The following PEMT variants were observed in gnomAD, a reference collection of about 807,000 sequenced individuals.
The protein encoded by PEMT is phospholipid methyltransferase.
PEMT carries 23 observed loss-of-function variants against 27.4 expected under a neutral mutation model. The observed-to-expected ratio is 0.84, with a 90% confidence interval of 0.60 to 1.19. The LOEUF is 1.19. PEMT is among the 50% of genes most tolerant of loss of function. The pLI is 0.00. For synonymous variants in PEMT, 137 were observed against 139.1 expected, an observed-to-expected ratio of 0.98 and a Z score of 0.11; for missense variants, 307 against 310.1, an observed-to-expected ratio of 0.99 and a Z score of 0.07.
At chr17:17,518,059 G>A in intron 3 of PEMT, 1 of 985,572 alleles carries the variant, frequency 1.0e-6, no homozygotes, top group Non-Finnish European at 1.2e-6. Flanking sequence ...CGCCACACCA[G>A]AGCACACAGG....
intron 2 of PEMT, among the ~76,000 whole-genome samples, chr17:17,560,563 C>T (rs983188537): frequency 2.0e-5 from 3 of 152,300 alleles, no homozygotes; most frequent in East Asian, 1.9e-4. Context: ...TTCACCACAC[C>T]GGCCCCGGGG....
chr17:17,522,688 C>T (rs974811761), intron 2 of PEMT, among the ~76,000 whole-genome samples: 3 of 152,094 alleles, frequency 2.0e-5, no homozygotes, highest in African/African-American at 4.8e-5. Flanking sequence ...CAGAAAGAGA[C>T]GTCTGGTGGA....
In PEMT at chr17:17,523,776, G is replaced by A. The variant is rs561089813; in HGVS notation, c.205-1381C>T. Among the ~76,000 whole-genome samples, 6 of 152,162 alleles carry A rather than the reference G, an allele frequency of 3.9e-5. No individual in the cohort carries two copies. The highest frequency in any genetic ancestry group is 7.4e-5 in the Non-Finnish European group (5 of 68,026). On this transcript the variant is annotated intron_variant, in intron 2 of 6. Transcript: ENST00000255389. This position sits in a 1 kb window ranked among gnomAD's most constrained non-coding sequence, Gnocchi z 4.8. ...AGAGGAGCAGTCTGCAGAGAGCACC[G>A]CGGGGGCCCAGGACCACAGCCTGCT...
intron 2 of PEMT, among the ~76,000 whole-genome samples, chr17:17,534,170 T>C (rs1440981290): frequency 6.6e-6 from 1 of 152,200 alleles, no homozygotes. Flanking sequence ...TTACTTGTAA[T>C]AGTCAAAACC....
At position 17,582,105 on chromosome 17, in the gene PEMT, C is replaced by T. The variant is rs144459591; in HGVS notation, c.97-5078G>A. On this transcript the variant is annotated intron_variant, in intron 1 of 6. Transcript: ENST00000255389. The surrounding 1 kb of genome is among the most constrained non-coding windows in gnomAD (Gnocchi z 4.9). ...CTCCCTTGATGGCCTCCCCTTCACA[C>T]CTGTGACCAAAGGGCGGTCTCCCAT... is the stretch of plus-strand genomic sequence containing the variant. 1.8e-3 allele frequency among the ~76,000 whole-genome samples: 272 copies of T among 152,302 alleles called. 1 individual carries two copies. Among genetic ancestry groups the T allele is most frequent in the African/African-American group, 6.2e-3 (256 of 41,560 alleles).
At chr17:17,550,216 C>T (rs375860785) in intron 2 of PEMT, among the ~76,000 whole-genome samples, 87 of 152,330 alleles carry the variant, frequency 5.7e-4, no homozygotes, top group East Asian at 1.7e-3. Flanking sequence ...CACAGACGTT[C>T]GTGGTTCTCT....
At chr17:17,547,426 C>T (rs16961862) in intron 2 of PEMT, among the ~76,000 whole-genome samples, 1,835 of 152,326 alleles carry the variant, frequency 0.012, 38 homozygotes, top group African/African-American at 0.039. Context: ...GAGATGCGCT[C>T]GCCAAAGAAC....
chr17:17,582,225 G>A lies in PEMT; in HGVS notation c.97-5198C>T, dbSNP rs1912015576. The A allele has an allele frequency of 4.1e-6, 4 of 973,298 alleles. No homozygotes were observed. The South Asian group carries it at 1.4e-4, about 35-fold the overall frequency. The allele number at this position is 973,298 out of a possible 1,614,324, so 60.3% of individuals were successfully genotyped here. A position where few individuals can be genotyped will look rare whatever the true frequency, so the allele number is the denominator to read the frequency against. On this transcript the variant is annotated intron_variant, in intron 1 of 6. Transcript: ENST00000255389. This position sits in a 1 kb window ranked among gnomAD's most constrained non-coding sequence, Gnocchi z 4.9. Reference sequence around the variant, plus strand: ...AACCCCCACTCCAAGGCTCCAGGTTGCAGAGGCCTCGGAATCTGACTAAAG... The same window carrying A: ...AACCCCCACTCCAAGGCTCCAGGTTACAGAGGCCTCGGAATCTGACTAAAG...
At chr17:17,558,682 G>GAAAAA (rs141641212) in intron 2 of PEMT, among the ~76,000 whole-genome samples, 1 of 95,538 alleles carries the variant, frequency 1.0e-5, no homozygotes, top group African/African-American at 3.7e-5. Flanking sequence ...CCAGTCTCAC[G>GAAAAA]AAAAAAAAAA....
intron 2 of PEMT, among the ~76,000 whole-genome samples, chr17:17,540,330 G>T (rs569498991): frequency 6.6e-6 from 1 of 152,344 alleles, no homozygotes; most frequent in African/African-American, 2.4e-5. Context: ...CTATCCCAGT[G>T]CCTCCTCTGC....
At chr17:17,542,983 C>T (rs868461270) in intron 2 of PEMT, among the ~76,000 whole-genome samples, 19 of 152,250 alleles carry the variant, frequency 1.2e-4, no homozygotes, top group African/African-American at 4.6e-4. Flanking sequence ...TCTCCAGCTG[C>T]CTTCCCCCAG....
intron 5 of PEMT, chr17:17,507,000 G>T: frequency 1.5e-6 from 1 of 673,328 alleles, no homozygotes; most frequent in Non-Finnish European, 2.6e-6. Flanking sequence ...GCCCAAGGCC[G>T]GATGGAGCAT....
intron 2 of PEMT, among the ~76,000 whole-genome samples, chr17:17,554,885 G>T (rs1909938546): frequency 6.6e-6 from 1 of 152,162 alleles, no homozygotes; most frequent in Admixed American, 6.5e-5. Flanking sequence ...CAAAGTGCTA[G>T]GATTACAGGC....
At position 17,586,216 on chromosome 17, in the gene PEMT, A is replaced by AAAAGAAAGAAAGAAAG. The variant is rs745534134; in HGVS notation, c.96+5299_96+5314dup. ...AAGGAAGGAAAGAAAGAAAGAAAGA[A>AAAAGAAAGAAAGAAAG]AAAGAAAGAAAGAAAGAAAGAAAGA... On this transcript the variant is annotated intron_variant, in intron 1 of 6. Coordinates refer to ENST00000255389, the MANE Select transcript of PEMT (RefSeq NM_148172.3). 9.0e-4 allele frequency among the ~76,000 whole-genome samples: 71 copies of AAAAGAAAGAAAGAAAG among 79,320 alleles called. 1 individual carries two copies. The highest frequency in any genetic ancestry group is 2.3e-3 in the East Asian group (6 of 2,630). 52.0% of individuals were successfully genotyped at this position (79,320 alleles called of 152,430 possible).
At chr17:17,570,190 T>A (rs920905420) in intron 2 of PEMT, among the ~76,000 whole-genome samples, 8 of 152,094 alleles carry the variant, frequency 5.3e-5, no homozygotes, top group Non-Finnish European at 8.8e-5. Flanking sequence ...ACACAGAAGG[T>A]CAGGCAGCAG....
chr17:17,509,141 G>A (rs983657901), intron 5 of PEMT, among the ~76,000 whole-genome samples: 1 of 152,294 alleles, frequency 6.6e-6, no homozygotes, highest in Non-Finnish European at 1.5e-5. Flanking sequence ...TGCGTCTGCA[G>A]CTGTTTTGTG....
chr17:17,576,587 T>A (rs1372199451), intron 2 of PEMT, among the ~76,000 whole-genome samples: 2 of 152,186 alleles, frequency 1.3e-5, no homozygotes, highest in African/African-American at 4.8e-5. Context: ...ACTTCATGCA[T>A]GAGAAGGCCA....
intron 2 of PEMT, among the ~76,000 whole-genome samples, chr17:17,558,222 T>G (rs1034205446): frequency 6.6e-6 from 1 of 151,350 alleles, no homozygotes; most frequent in Non-Finnish European, 1.5e-5. Flanking sequence ...ATTTAAAAAT[T>G]AGGGCTGGGC....
intron 5 of PEMT, chr17:17,507,209 G>C: frequency 6.4e-7 from 1 of 1,552,290 alleles, no homozygotes; most frequent in Non-Finnish European, 8.7e-7. Context: ...GCTGCTGCCA[G>C]GGAGGAGGGA....
Sources: gnomAD v4.1 joint callset for allele counts (sites outside exome capture counted in the v4.1 genomes callset) on GRCh38, gnomAD v4.1.1 for gene constraint, Gnocchi (gnomAD v3.1) non-coding constraint, MANE v1.5 for transcripts, NCBI Gene and HGNC (gene_info 2026-07-23, HGNC 2026-07-21) for gene names.